DCUN1D2: variants seen among roughly 807,000 people sequenced by gnomAD.
DCUN1D2 encodes the protein defective in cullin neddylation 1 domain containing 2, also known as DCN1-like protein 2.
A neutral mutation model predicts 30.9 loss-of-function variants in DCUN1D2; 29 were observed. That is an observed-to-expected ratio of 0.94 (90% CI 0.70 to 1.28). The LOEUF (loss-of-function observed/expected upper bound fraction) is 1.28. DCUN1D2 is among the 50% of genes most tolerant of loss of function. The probability of loss-of-function intolerance (pLI) is 0.00; values close to 1 mark genes in which losing one functional copy is unlikely to be tolerated. For synonymous variants in DCUN1D2, 121 were observed against 115.3 expected (o/e 1.05, Z -0.32); for missense variants, 325 against 316.9 (o/e 1.03, Z -0.19).
Position 113,459,297 on chromosome 13 carries a change from C to G in DCUN1D2, c.700+15G>C. 1.4e-6 allele frequency: 2 copies of G among 1,450,566 alleles called. No individual in the cohort carries two copies. Among genetic ancestry groups the G allele is most frequent in the Non-Finnish European group, 1.9e-6 (2 of 1,030,956 alleles). The allele number at this position is 1,450,566 out of a possible 1,614,324, so 89.9% of individuals were successfully genotyped here. A position where few individuals can be genotyped will look rare whatever the true frequency, so the allele number is the denominator to read the frequency against. On this transcript the variant is annotated intron_variant, in intron 6 of 6. Transcript: ENST00000478244. ...AAGCATTTCGGTCAATCATCTGAAG[C>G]ACAACTTCCGGTACCTTCTTCATCG... is the stretch of plus-strand genomic sequence containing the variant.
At chr13:113,483,707 C>CGAGCGCTGA (rs1034959377) in intron 2 of DCUN1D2, 133 bp downstream of exon 2, 2 of 797,630 alleles carry the variant, frequency 2.5e-6, no homozygotes, top group Admixed American at 2.5e-5. Flanking sequence ...AGCTGAGCGC[C>CGAGCGCTGA]GAGCGCTGAG....
Position 113,485,077 on chromosome 13 carries a change from CAATAAATAAATA to C in DCUN1D2, c.4-1033_4-1022del, listed in dbSNP as rs58781524. ...TGGGCGACAGGGCGAGACTCTATCTCAATAAATAAATAAATAAATAAATAAATAAATAAAGTA... is the reference window on the plus strand; with the variant it reads ...TGGGCGACAGGGCGAGACTCTATCTCAATAAATAAATAAATAAATAAAGTA... On this transcript the variant is annotated intron_variant, in intron 1 of 6. Coordinates refer to ENST00000478244, the MANE Select transcript of DCUN1D2 (RefSeq NM_001014283.2). 2.1e-3 allele frequency among the ~76,000 whole-genome samples: 309 copies of C among 148,582 alleles called. 2 individuals carry two copies. Among genetic ancestry groups the C allele is most frequent in the Admixed American group, 0.016 (238 of 14,880 alleles).
chr13:113,488,482 C>G lies in DCUN1D2; in HGVS notation c.3+2185G>C, dbSNP rs1358124990. On this transcript the variant is annotated intron_variant, in intron 1 of 6. Transcript: ENST00000478244. The surrounding 1 kb of genome is among the most constrained non-coding windows in gnomAD (Gnocchi z 4.3). ...AAAAGTGACTGAGAGACCCAAGTTA[C>G]CTCTTGTGAAAAAGGGAACTGGCAT... 1.3e-5 allele frequency among the ~76,000 whole-genome samples: 2 copies of G among 152,216 alleles called. No homozygotes were observed. The highest frequency in any genetic ancestry group is 4.8e-5 in the African/African-American group (2 of 41,440).
At chr13:113,485,956 C>T (rs991570696) in intron 1 of DCUN1D2, among the ~76,000 whole-genome samples, 14 of 152,106 alleles carry the variant, frequency 9.2e-5, no homozygotes, top group African/African-American at 3.4e-4. Flanking sequence ...TTTATCAAGC[C>T]AGACATTAAG....
chr13:113,478,295 C>T (rs565119063), intron 3 of DCUN1D2, among the ~76,000 whole-genome samples: 4 of 150,734 alleles, frequency 2.7e-5, no homozygotes, highest in South Asian at 4.2e-4. Context: ...TTTTCACATA[C>T]GTTGTCAAAT....
intron 1 of DCUN1D2, among the ~76,000 whole-genome samples, chr13:113,487,192 AG>A (rs961587211): frequency 2.2e-4 from 33 of 152,292 alleles, no homozygotes; most frequent in African/African-American, 7.2e-4. Context: ...TTCCCAAGGG[AG>A]GGTGAGCAAA....
chr13:113,473,268 G>T (rs1595578974), intron 4 of DCUN1D2, among the ~76,000 whole-genome samples: 2 of 152,168 alleles, frequency 1.3e-5, no homozygotes, highest in African/African-American at 4.8e-5. Context: ...CTGTGCAACT[G>T]CCCTCTCAGG....
chr13:113,480,790 T>G (rs1437249426), intron 2 of DCUN1D2, 47 bp from the exon 3 acceptor site: 3 of 1,597,564 alleles, frequency 1.9e-6, no homozygotes, highest in Non-Finnish European at 2.6e-6. Context: ...TTTTGAAAAG[T>G]AATTCTAAAA....
At chr13:113,490,892 G>C (rs1307979131), upstream of DCUN1D2, 2 of 262,230 alleles carry the variant, frequency 7.6e-6, no homozygotes, top group East Asian at 1.7e-4. This position sits in a 1 kb window ranked among gnomAD's most constrained non-coding sequence, Gnocchi z 5.2. Context: ...GCCTTGGCTC[G>C]CCCCTGCGGG....
chr13:113,459,206 G>T, intron 6 of DCUN1D2, 106 bp downstream of exon 6: 2 of 697,500 alleles, frequency 2.9e-6, no homozygotes, highest in South Asian at 3.3e-5. Flanking sequence ...GTAGTATTAT[G>T]ACCACGCCCA....
chr13:113,490,519 G>T lies in DCUN1D2; in HGVS notation c.3+148C>A. On this transcript the variant is annotated intron_variant, in intron 1 of 6. Coordinates refer to ENST00000478244, the MANE Select transcript of DCUN1D2 (RefSeq NM_001014283.2). This position sits in a 1 kb window ranked among gnomAD's most constrained non-coding sequence, Gnocchi z 5.2. ...CGCCACCGCTCCGGCTCGCGGGCCC[G>T]CGGCGCGTTCCTCCCTCGGATCCAC... 2 of 874,142 alleles carry T rather than the reference G, an allele frequency of 2.3e-6. No individual in the cohort carries two copies. The highest frequency in any genetic ancestry group is 3.0e-6 in the Non-Finnish European group (2 of 662,552). 54.1% of individuals were successfully genotyped at this position (874,142 alleles called of 1,614,324 possible). A position where few individuals can be genotyped will look rare whatever the true frequency, so the allele number is the denominator to read the frequency against.
rs1395009588 is a variant in DCUN1D2 at position 113,488,738 on chromosome 13, C to T, written c.3+1929G>A. Among the ~76,000 whole-genome samples the T allele has an allele frequency of 1.3e-5, 2 of 152,214 alleles. No homozygotes were observed. The highest frequency in any genetic ancestry group is 2.9e-5 in the Non-Finnish European group (2 of 68,042). ...CAGACAGGACTGAACCCAGGTCAAT[C>T]TAATCAAGGTGGATACACTGGAACT... is the stretch of plus-strand genomic sequence containing the variant. On this transcript the variant is annotated intron_variant, in intron 1 of 6. Coordinates refer to ENST00000478244, the MANE Select transcript of DCUN1D2 (RefSeq NM_001014283.2). The surrounding 1 kb of genome is among the most constrained non-coding windows in gnomAD (Gnocchi z 4.3).
chr13:113,490,847 C>A (rs2044968585), upstream of DCUN1D2: 3 of 388,222 alleles, frequency 7.7e-6, no homozygotes, highest in East Asian at 1.4e-4. This position sits in a 1 kb window ranked among gnomAD's most constrained non-coding sequence, Gnocchi z 5.2. Flanking sequence ...GGAGCTCGCG[C>A]CCCACAGCCC....
In DCUN1D2 at chr13:113,457,824, C is replaced by T. The variant is rs1380136271; in HGVS notation, c.*205G>A. ...CTATGATGACAAATCTCCAAACATCCCAAAGCAGCCGTGTCCCGAGGAACT... is the reference window on the plus strand; with the variant it reads ...CTATGATGACAAATCTCCAAACATCTCAAAGCAGCCGTGTCCCGAGGAACT... On this transcript the variant is annotated 3_prime_UTR_variant, in exon 7 of 7. Transcript: ENST00000478244. 1 of 572,040 alleles carries T rather than the reference C, an allele frequency of 1.7e-6. No individual in the cohort carries two copies. The highest frequency in any genetic ancestry group is 3.2e-6 in the Non-Finnish European group (1 of 316,840). The allele number at this position is 572,040 out of a possible 1,614,324, so 35.4% of individuals were successfully genotyped here.
chr13:113,486,979 C>A (rs1018253143), intron 1 of DCUN1D2, among the ~76,000 whole-genome samples: 1 of 152,190 alleles, frequency 6.6e-6, no homozygotes, highest in Non-Finnish European at 1.5e-5. Flanking sequence ...TTGCCGACCC[C>A]GATCTAGATT....
intron 2 of DCUN1D2, 31 bp from the exon 3 acceptor site, chr13:113,480,774 A>T: frequency 6.2e-7 from 1 of 1,610,622 alleles, no homozygotes; most frequent in Non-Finnish European, 8.5e-7. Context: ...AAAGGAAGTT[A>T]TACTATTTTG....
intron 2 of DCUN1D2, among the ~76,000 whole-genome samples, chr13:113,482,960 A>C (rs2044736347): frequency 1.3e-5 from 2 of 152,244 alleles, no homozygotes; most frequent in South Asian, 4.1e-4. Flanking sequence ...ACACACACAC[A>C]GACAACAATA....
intron 3 of DCUN1D2, among the ~76,000 whole-genome samples, chr13:113,477,846 C>A (rs2044644196): frequency 6.6e-6 from 1 of 152,070 alleles, no homozygotes; most frequent in African/African-American, 2.4e-5. Context: ...ATCTTGCATT[C>A]CTGGATATAA....
intron 4 of DCUN1D2, among the ~76,000 whole-genome samples, chr13:113,469,165 C>A (rs895316572): frequency 6.6e-6 from 1 of 151,880 alleles, no homozygotes; most frequent in Non-Finnish European, 1.5e-5. Context: ...CACACACACA[C>A]ACACACACAG....
Sources: gnomAD v4.1 joint callset for allele counts (sites outside exome capture counted in the v4.1 genomes callset) on GRCh38, gnomAD v4.1.1 for gene constraint, Gnocchi (gnomAD v3.1) non-coding constraint, MANE v1.5 for transcripts, NCBI Gene and HGNC (gene_info 2026-07-23, HGNC 2026-07-21) for gene names.